Variants in ARMC8 observed in about 807,000 individuals in gnomAD.
ARMC8 encodes the protein armadillo repeat containing 8, also known as armadillo repeat-containing protein 8.
A neutral mutation model predicts 99.3 loss-of-function variants in ARMC8; 20 were observed. The ratio of observed to expected loss-of-function variants is 0.20; its 90% confidence interval spans 0.14 to 0.29. The LOEUF (loss-of-function observed/expected upper bound fraction) is 0.29. Ranked by LOEUF, ARMC8 falls within the 10% of genes least tolerant of loss-of-function variation. ARMC8 has a pLI of 1.00. For missense variants in ARMC8, 569 were observed against 809.5 expected (o/e 0.70, Z 3.60); for synonymous variants, 263 against 278.3 (o/e 0.95, Z 0.55).
At chr3:138,287,027 C>T (rs1235084884) in intron 19 of ARMC8, among the ~76,000 whole-genome samples, 7 of 152,204 alleles carry the variant, frequency 4.6e-5, no homozygotes, top group Admixed American at 3.9e-4. Flanking sequence ...ATCACCACTG[C>T]CCCCACCCTA....
At chr3:138,256,087 A>G (rs576405677) in intron 12 of ARMC8, among the ~76,000 whole-genome samples, 29 of 152,386 alleles carry the variant, frequency 1.9e-4, no homozygotes, top group Non-Finnish European at 3.8e-4. Flanking sequence ...CAGGTATTAC[A>G]TAACAGGGTA....
At chr3:138,200,458 G>A (rs190080497) in intron 1 of ARMC8, among the ~76,000 whole-genome samples, 13 of 152,210 alleles carry the variant, frequency 8.5e-5, no homozygotes, top group East Asian at 1.9e-4. Context: ...AACATATTTT[G>A]TGTTTCTATG....
Position 138,194,335 on chromosome 3 carries a change from G to A in ARMC8, c.45+6736G>A, listed in dbSNP as rs557133233. Among the ~76,000 whole-genome samples, 33 of 140,272 alleles carry A rather than the reference G, an allele frequency of 2.4e-4. No homozygotes were observed. The South Asian group carries it at 7.4e-3, about 31-fold the overall frequency. 92.0% of individuals were successfully genotyped at this position (140,272 alleles called of 152,430 possible). A position where few individuals can be genotyped will look rare whatever the true frequency, so the allele number is the denominator to read the frequency against. ...TGGGATTACAGGCGTAAGCCACTGC[G>A]CCCAGCTTTTTTTTTTTTTTTTTTG... On this transcript the variant is annotated intron_variant, in intron 1 of 21. Coordinates refer to ENST00000469044, the MANE Select transcript of ARMC8 (RefSeq NM_001363941.2).
At chr3:138,206,605 G>A (rs990211401) in intron 1 of ARMC8, among the ~76,000 whole-genome samples, 2 of 152,082 alleles carry the variant, frequency 1.3e-5, no homozygotes, top group Non-Finnish European at 2.9e-5. Flanking sequence ...CTTTTTAGAC[G>A]TTCTTTCTCT....
intron 2 of ARMC8, among the ~76,000 whole-genome samples, chr3:138,220,895 G>A (rs967687040): frequency 6.6e-6 from 1 of 151,978 alleles, no homozygotes; most frequent in Non-Finnish European, 1.5e-5. Flanking sequence ...TCGCCATGTT[G>A]TTCAGTCTGA....
chr3:138,197,413 A>T (rs1465608603), intron 1 of ARMC8, among the ~76,000 whole-genome samples: 1 of 152,232 alleles, frequency 6.6e-6, no homozygotes, highest in Non-Finnish European at 1.5e-5. Flanking sequence ...AAGGTGTGCC[A>T]TGAAAGATGG....
At chr3:138,277,043 A>G (rs956968486) in intron 18 of ARMC8, among the ~76,000 whole-genome samples, 1 of 152,232 alleles carries the variant, frequency 6.6e-6, no homozygotes, top group African/African-American at 2.4e-5. Context: ...TACAGTAGTA[A>G]TGAAGACAGT....
intron 16 of ARMC8, 28 bp downstream of exon 16, chr3:138,270,160 A>T: frequency 6.8e-7 from 1 of 1,472,214 alleles, no homozygotes; most frequent in Non-Finnish European, 9.5e-7. Context: ...ATATATCATA[A>T]CTTACAAAAG....
At position 138,187,479 on chromosome 3, in the gene ARMC8, C is replaced by CGTTGGCCAATA. The variant is rs1172406961; in HGVS notation, c.-69_-59dup. ...GCTGCCTTTAGGGAGCGGTGCCTAG[C>CGTTGGCCAATA]GTTGGCCAATAGTTGGCTGTCGAAA... On this transcript the variant is annotated 5_prime_UTR_variant, in exon 1 of 22. Transcript: ENST00000469044. The CGTTGGCCAATA allele has an allele frequency of 6.9e-7, 1 of 1,457,342 alleles. No individual in the cohort carries two copies. Among genetic ancestry groups the CGTTGGCCAATA allele is most frequent in the Non-Finnish European group, 9.3e-7 (1 of 1,076,012 alleles). The allele number at this position is 1,457,342 out of a possible 1,614,324, so 90.3% of individuals were successfully genotyped here.
At chr3:138,239,198 A>G (rs958942451) in intron 9 of ARMC8, 3 of 336,682 alleles carry the variant, frequency 8.9e-6, no homozygotes, top group Non-Finnish European at 1.6e-5. Flanking sequence ...TGTGTCCATC[A>G]TTAGGTTATT....
At chr3:138,262,319 A>T in intron 12 of ARMC8, 1 of 543,964 alleles carries the variant, frequency 1.8e-6, no homozygotes, top group Non-Finnish European at 3.2e-6. Context: ...GTCTAGGGCG[A>T]GGAGTAGATC....
intron 18 of ARMC8, among the ~76,000 whole-genome samples, chr3:138,279,864 A>G (rs1320071004): frequency 6.6e-6 from 1 of 152,068 alleles, no homozygotes; most frequent in East Asian, 1.9e-4. Context: ...AGTCTGTAGT[A>G]TCCTTGGCAG....
chr3:138,232,379 G>A (rs924763269), intron 6 of ARMC8, among the ~76,000 whole-genome samples: 1 of 152,176 alleles, frequency 6.6e-6, no homozygotes, highest in Non-Finnish European at 1.5e-5. Flanking sequence ...AGAATTTGAC[G>A]GAAAAAAGTA....
chr3:138,265,025 G>A (rs1178773805), intron 14 of ARMC8, among the ~76,000 whole-genome samples: 2 of 151,794 alleles, frequency 1.3e-5, no homozygotes, highest in East Asian at 3.9e-4. Context: ...GGCCTCCCAA[G>A]TAACTGGGAC....
intron 21 of ARMC8, among the ~76,000 whole-genome samples, chr3:138,294,589 C>T (rs866115338): frequency 6.6e-6 from 1 of 152,218 alleles, no homozygotes; most frequent in Non-Finnish European, 1.5e-5. Context: ...GTGTCCATTA[C>T]TGCAGAAACT....
At position 138,274,512 on chromosome 3, in the gene ARMC8, G is replaced by A; in HGVS notation, c.1693G>A (p.Glu565Lys). ...QIMQAVTLIL[E>K]GEHNIEVKEQ... ...TATGCAAGCCGTCACTCTTATTCTA[G>A]AAGGGGAACATAACATTGAGGTCAA... The change falls in exon 18 of 22, where the codon GAA becomes AAA. Residue 565 changes from glutamate (E) to lysine (K), a missense_variant. Glu to Lys is a moderately conservative substitution (Grantham distance 56). Transcript: ENST00000469044. 2 of 1,613,210 alleles carry A rather than the reference G, an allele frequency of 1.2e-6. No homozygotes were observed. The highest frequency in any genetic ancestry group is 8.5e-7 in the Non-Finnish European group (1 of 1,179,272).
At chr3:138,286,351 A>G (rs765316281) in intron 19 of ARMC8, among the ~76,000 whole-genome samples, 2 of 152,164 alleles carry the variant, frequency 1.3e-5, no homozygotes, top group African/African-American at 4.8e-5. Context: ...CCATCATTCA[A>G]CTGAAACTTA....
At chr3:138,245,268 C>T (rs1418983256) in intron 12 of ARMC8, 85 bp downstream of exon 12, 1 of 1,613,650 alleles carries the variant, frequency 6.2e-7, no homozygotes, top group Non-Finnish European at 8.5e-7. Context: ...GTGAAGAGCA[C>T]TAACAGTGAC....
rs775533658 is a variant in ARMC8 at position 138,237,477 on chromosome 3, T to A, written c.686-5T>A. 6.2e-7 allele frequency: 1 copy of A among 1,613,630 alleles called. No individual in the cohort carries two copies. Among genetic ancestry groups the A allele is most frequent in the South Asian group, 1.1e-5 (1 of 91,010 alleles). On this transcript the variant is annotated splice_region_variant and splice_polypyrimidine_tract_variant and intron_variant, in intron 8 of 21. Transcript: ENST00000469044. Reference sequence around the variant, plus strand: ...CTTAATCATTGTTGTTTGTTTTATTTCTAGTTTTGGTTGATGGAGAATTGT... The same window carrying A: ...CTTAATCATTGTTGTTTGTTTTATTACTAGTTTTGGTTGATGGAGAATTGT...
Sources: allele counts gnomAD v4.1 joint callset (sites outside exome capture counted in the v4.1 genomes callset), GRCh38; gene constraint gnomAD v4.1.1; transcripts MANE v1.5; gene names NCBI Gene and HGNC (gene_info 2026-07-23, HGNC 2026-07-21).